Variants in LRRTM3 observed in about 807,000 individuals in gnomAD.
LRRTM3 encodes leucine-rich repeat transmembrane neuronal protein 3.
In LRRTM3, 24 loss-of-function variants were observed where a neutral mutation model predicts 44.7. The observed-to-expected ratio is 0.54, with a 90% confidence interval of 0.39 to 0.76. The LOEUF is 0.76. LRRTM3 is among the 30% of genes least tolerant of loss of function. LRRTM3 has a pLI of 0.00. For synonymous variants in LRRTM3, 277 were observed against 278.7 expected, an observed-to-expected ratio of 0.99 and a Z score of 0.06; for missense variants, 587 against 702.2, an observed-to-expected ratio of 0.84 and a Z score of 1.85.
chr10:66,954,619 A>G (rs1299841564), intron 2 of LRRTM3, among the ~76,000 whole-genome samples: 1 of 152,208 alleles, frequency 6.6e-6, no homozygotes, highest in Admixed American at 6.6e-5. Context: ...TAACAGAAGG[A>G]AAATGAGGTT....
intron 2 of LRRTM3, among the ~76,000 whole-genome samples, chr10:67,059,871 T>A (rs142849026): frequency 6.6e-6 from 1 of 152,348 alleles, no homozygotes; most frequent in East Asian, 1.9e-4. Flanking sequence ...TAAGTCATTT[T>A]GCAATGAAGA....
intron 2 of LRRTM3, among the ~76,000 whole-genome samples, chr10:67,035,689 A>G (rs1215080196): frequency 3.3e-5 from 5 of 152,192 alleles, no homozygotes; most frequent in Non-Finnish European, 7.3e-5. Flanking sequence ...CAATCTTTCA[A>G]TCAAATTAGG....
At chr10:67,056,873 C>G (rs1180522756) in intron 2 of LRRTM3, among the ~76,000 whole-genome samples, 1 of 152,158 alleles carries the variant, frequency 6.6e-6, no homozygotes, top group Non-Finnish European at 1.5e-5. Flanking sequence ...GAGGTTACAT[C>G]AATATCAAGT....
chr10:67,012,693 C>T (rs1852413509), intron 2 of LRRTM3, among the ~76,000 whole-genome samples: 1 of 152,046 alleles, frequency 6.6e-6, no homozygotes. Context: ...TTAACTTGGA[C>T]AAATGTAATC....
At chr10:67,022,687 C>T (rs1853101922) in intron 2 of LRRTM3, among the ~76,000 whole-genome samples, 1 of 152,096 alleles carries the variant, frequency 6.6e-6, no homozygotes, top group Non-Finnish European at 1.5e-5. Context: ...CCTTTAATCC[C>T]AGCATTTTGG....
chr10:66,940,368 T>C (rs554083950), intron 2 of LRRTM3, among the ~76,000 whole-genome samples: 1 of 152,206 alleles, frequency 6.6e-6, no homozygotes, highest in South Asian at 2.1e-4. Context: ...TGATGGCACA[T>C]GCTTGGAAGC....
At chr10:67,080,467 G>C (rs1856989924) in intron 2 of LRRTM3, among the ~76,000 whole-genome samples, 1 of 152,172 alleles carries the variant, frequency 6.6e-6, no homozygotes, top group African/African-American at 2.4e-5. Context: ...TTAGGTCCCA[G>C]CATCGCAATA....
chr10:66,982,088 C>T (rs571478956), intron 2 of LRRTM3, among the ~76,000 whole-genome samples: 4 of 151,994 alleles, frequency 2.6e-5, no homozygotes, highest in South Asian at 4.1e-4. Context: ...GAGAATTCCA[C>T]GAAAAAGGAT....
In LRRTM3 at chr10:67,099,628, T is replaced by A. The variant is rs562461706; in HGVS notation, c.*1832T>A. Reference sequence around the variant, plus strand: ...GGAGCAAATTTTTGTTGAAAATATATAAAGTCAGAAAGAAAAAAGATGTAA... The same window carrying A: ...GGAGCAAATTTTTGTTGAAAATATAAAAAGTCAGAAAGAAAAAAGATGTAA... On this transcript the variant is annotated 3_prime_UTR_variant, in exon 3 of 3. Transcript: ENST00000361320. 2 of 152,190 alleles carry A rather than the reference T, an allele frequency of 1.3e-5. No homozygotes were observed. Among genetic ancestry groups the A allele is most frequent in the Non-Finnish European group, 3.0e-5 (2 of 67,796 alleles). 9.4% of individuals were successfully genotyped at this position (152,190 alleles called of 1,614,324 possible).
At chr10:66,934,322 TTCTC>T (rs1847572571) in intron 2 of LRRTM3, among the ~76,000 whole-genome samples, 1 of 152,166 alleles carries the variant, frequency 6.6e-6, no homozygotes, top group South Asian at 2.1e-4. Context: ...CATTTATCCT[TTCTC>T]TCACTCTTAA....
chr10:67,014,098 T>C (rs1022514790), intron 2 of LRRTM3, among the ~76,000 whole-genome samples: 2 of 152,216 alleles, frequency 1.3e-5, no homozygotes, highest in African/African-American at 2.4e-5. Flanking sequence ...CATTAGTTTG[T>C]ATTTTGGTTC....
At position 67,098,644 on chromosome 10, in the gene LRRTM3, G is replaced by T. The variant is rs1483722185; in HGVS notation, c.*848G>T. On this transcript the variant is annotated 3_prime_UTR_variant, in exon 3 of 3. Transcript: ENST00000361320. ...TTGTTAAGGGTTGGGGGAAAGCATG[G>T]ACAAAACATCACTGGAAACAAAGGC... 2.6e-5 allele frequency: 4 copies of T among 152,244 alleles called. No homozygotes were observed. Among genetic ancestry groups the T allele is most frequent in the Non-Finnish European group, 4.4e-5 (3 of 67,886 alleles). 9.4% of individuals were successfully genotyped at this position (152,244 alleles called of 1,614,324 possible).
At chr10:66,949,483 A>G (rs1589473813) in intron 2 of LRRTM3, among the ~76,000 whole-genome samples, 1 of 151,976 alleles carries the variant, frequency 6.6e-6, no homozygotes, top group South Asian at 2.1e-4. Flanking sequence ...GCTTGAACCC[A>G]GGAGGCGGAG....
intron 2 of LRRTM3, among the ~76,000 whole-genome samples, chr10:67,031,419 T>C (rs1400457169): frequency 6.6e-6 from 1 of 152,198 alleles, no homozygotes. Flanking sequence ...TATCCCTTTC[T>C]ACTATACATT....
rs148532832 is a variant in LRRTM3, at chr10:67,053,001, A to G, written c.1537-44586A>G. 3.4e-3 allele frequency among the ~76,000 whole-genome samples: 520 copies of G among 152,346 alleles called. 6 individuals are homozygous for G. Among genetic ancestry groups the G allele is most frequent in the African/African-American group, 0.012 (508 of 41,578 alleles). ...TACACTGACTATGTGTTTCAGTTGT[A>G]AAGAAAAATAACATTAAAGAGCAGG... On this transcript the variant is annotated intron_variant, in intron 2 of 2. Transcript: ENST00000361320.
chr10:66,955,301 G>T (rs758024768), intron 2 of LRRTM3, among the ~76,000 whole-genome samples: 56 of 152,144 alleles, frequency 3.7e-4, no homozygotes, highest in African/African-American at 1.3e-3. Flanking sequence ...TGGTATCATT[G>T]TATCATGACT....
intron 2 of LRRTM3, among the ~76,000 whole-genome samples, chr10:67,048,390 T>G (rs1458982734): frequency 1.3e-5 from 2 of 152,094 alleles, no homozygotes; most frequent in South Asian, 4.1e-4. Context: ...TACATGATGA[T>G]CAACACCAAG....
chr10:67,079,273 A>C (rs75675128), intron 2 of LRRTM3, among the ~76,000 whole-genome samples: 1,691 of 152,306 alleles, frequency 0.011, 10 homozygotes, highest in Non-Finnish European at 0.018. Context: ...CTAGGAATTT[A>C]AGAAACTATC....
Position 66,974,660 on chromosome 10 carries a change from C to T in LRRTM3, c.1536+46208C>T, listed in dbSNP as rs577972792. On this transcript the variant is annotated intron_variant, in intron 2 of 2. Coordinates refer to ENST00000361320, the MANE Select transcript of LRRTM3 (RefSeq NM_178011.5). ...GAGTTTCATTGGTTCATATCATCTA[C>T]TAATACAACACTTAATATGTGACTT... 3.9e-5 allele frequency among the ~76,000 whole-genome samples: 6 copies of T among 152,300 alleles called. No homozygotes were observed. In the South Asian group the frequency reaches 1.2e-3, roughly 32 times the overall value.
Sources: gnomAD v4.1 joint callset for allele counts (sites outside exome capture counted in the v4.1 genomes callset) on GRCh38, gnomAD v4.1.1 for gene constraint, MANE v1.5 for transcripts, NCBI Gene and HGNC (gene_info 2026-07-23, HGNC 2026-07-21) for gene names.